Variants in FAM83F observed in about 807,000 individuals in gnomAD.
FAM83F encodes the protein scaffolding CK1 anchoring protein F.
In FAM83F, 45 loss-of-function variants were observed where a neutral mutation model predicts 42.9. The ratio of observed to expected loss-of-function variants is 1.05; its 90% CI spans 0.83 to 1.35. The LOEUF (loss-of-function observed/expected upper bound fraction) is 1.35. FAM83F is among the 40% of genes most tolerant of loss of function. FAM83F has a pLI of 0.00. For missense variants in FAM83F, 617 were observed against 695.9 expected (o/e 0.89, Z 1.28); for synonymous variants, 306 against 298.3 (o/e 1.03, Z -0.27).
chr22:40,037,578 T>G lies in FAM83F; in HGVS notation c.*8013T>G, dbSNP rs975812490. On this transcript the variant is annotated 3_prime_UTR_variant, in exon 5 of 5. Transcript: ENST00000333407. ...TGTTCTGTCAAGAGGAATTCACTAG[T>G]CTCACTCCTCCAACCAGACCGCTGC... 6.6e-5 allele frequency: 10 copies of G among 152,230 alleles called. No individual in the cohort carries two copies. The allele number at this position is 152,230 out of a possible 1,614,324, so 9.4% of individuals were successfully genotyped here. A position where few individuals can be genotyped will look rare whatever the true frequency, so the allele number is the denominator to read the frequency against.
chr22:40,027,615 G>A (rs1018040149), intron 4 of FAM83F, among the ~76,000 whole-genome samples: 1 of 152,252 alleles, frequency 6.6e-6, no homozygotes, highest in Non-Finnish European at 1.5e-5. Flanking sequence ...CAATATGTGA[G>A]CACTCAGGGA....
rs1290006497 is a variant in FAM83F at position 40,042,713 on chromosome 22, G to T, written c.*13148G>T. The T allele has an allele frequency of 6.6e-6, 1 of 152,074 alleles. No individual in the cohort carries two copies. The highest frequency in any genetic ancestry group is 1.9e-4 in the East Asian group (1 of 5,186). The allele number at this position is 152,074 out of a possible 1,614,324, so 9.4% of individuals were successfully genotyped here. On this transcript the variant is annotated 3_prime_UTR_variant, in exon 5 of 5. Coordinates refer to ENST00000333407, the MANE Select transcript of FAM83F (RefSeq NM_138435.4). ...TTTACTGAGTAATTATTTATTTGGG[G>T]GCCTTTTACGATCAGAACAATGTGA... is the stretch of plus-strand genomic sequence containing the variant.
At chr22:40,024,262 G>A (rs1163686218) in intron 4 of FAM83F, among the ~76,000 whole-genome samples, 8 of 152,124 alleles carry the variant, frequency 5.3e-5, no homozygotes, top group Admixed American at 1.3e-4. Flanking sequence ...CTCCCAAAGC[G>A]CTGGGATTAT....
In FAM83F at chr22:40,023,681, C is replaced by A. The variant is rs757169651; in HGVS notation, c.1453+1718C>A. On this transcript the variant is annotated intron_variant, in intron 4 of 4. Transcript: ENST00000333407. The surrounding 1 kb of genome is among the most constrained non-coding windows in gnomAD (Gnocchi z 4.1). Reference sequence around the variant, plus strand: ...GTCACGGCGGCCCTGCCCCTGCTGCCGCTCTCTGGTGTCTGCACATGGTGC... The same window carrying A: ...GTCACGGCGGCCCTGCCCCTGCTGCAGCTCTCTGGTGTCTGCACATGGTGC... 6.6e-6 allele frequency among the ~76,000 whole-genome samples: 1 copy of A among 152,208 alleles called. No homozygotes were observed. Among genetic ancestry groups the A allele is most frequent in the Admixed American group, 6.5e-5 (1 of 15,294 alleles).
At position 40,023,580 on chromosome 22, in the gene FAM83F, G is replaced by A. The variant is rs2067534252; in HGVS notation, c.1453+1617G>A. On this transcript the variant is annotated intron_variant, in intron 4 of 4. Transcript: ENST00000333407. The surrounding 1 kb of genome is among the most constrained non-coding windows in gnomAD (Gnocchi z 4.1). ...GATGCAGTTTCCATGGAAACTCAAA[G>A]CCCATTGTCTTGTCCCTTCCCGCTG... is the stretch of plus-strand genomic sequence containing the variant. Among the ~76,000 whole-genome samples, 1 of 152,108 alleles carries A rather than the reference G, an allele frequency of 6.6e-6. No homozygotes were observed. Among genetic ancestry groups the A allele is most frequent in the Non-Finnish European group, 1.5e-5 (1 of 68,008 alleles).
chr22:40,023,634 C>A lies in FAM83F; in HGVS notation c.1453+1671C>A, dbSNP rs764312665. ...TCTGCGTGTCCCTCCACATCCATGT[C>A]CCTGCTCCCACATCTCGGGTGGTCA... On this transcript the variant is annotated intron_variant, in intron 4 of 4. Transcript: ENST00000333407. This position sits in a 1 kb window ranked among gnomAD's most constrained non-coding sequence, Gnocchi z 4.1. Among the ~76,000 whole-genome samples the A allele has an allele frequency of 1.4e-4, 21 of 152,158 alleles. No homozygotes were observed. The highest frequency in any genetic ancestry group is 2.5e-4 in the Non-Finnish European group (17 of 68,018).
At chr22:40,019,520 A>G (rs2145719313) in intron 2 of FAM83F, among the ~76,000 whole-genome samples, 185 bp downstream of exon 2, 1 of 152,314 alleles carries the variant, frequency 6.6e-6, no homozygotes, top group South Asian at 2.1e-4. Context: ...CTACTGAATC[A>G]TATGCCCAGT....
At chr22:39,999,571 A>G (rs1194824935) in intron 1 of FAM83F, among the ~76,000 whole-genome samples, 7 of 152,198 alleles carry the variant, frequency 4.6e-5, no homozygotes, top group Admixed American at 4.6e-4. Flanking sequence ...TTCATTACAC[A>G]GAGGCTCCCT....
chr22:40,002,841 A>T (rs739145), intron 1 of FAM83F, among the ~76,000 whole-genome samples: 1,659 of 152,124 alleles, frequency 0.011, 26 homozygotes, highest in African/African-American at 0.038. Flanking sequence ...GTTGAGTGAC[A>T]GGATCGGTGC....
At chr22:40,014,061 T>C (rs893318527) in intron 1 of FAM83F, among the ~76,000 whole-genome samples, 6 of 151,782 alleles carry the variant, frequency 4.0e-5, no homozygotes, top group African/African-American at 1.4e-4. Flanking sequence ...TACTGGATTT[T>C]CTATGAAAAT....
intron 4 of FAM83F, among the ~76,000 whole-genome samples, chr22:40,026,912 A>G (rs1408527014): frequency 5.9e-5 from 9 of 152,136 alleles, no homozygotes; most frequent in African/African-American, 2.2e-4. Flanking sequence ...CGTCTGGGGC[A>G]TCTGCTGCTG....
intron 1 of FAM83F, among the ~76,000 whole-genome samples, chr22:40,002,182 C>T (rs1166365846): frequency 1.3e-5 from 2 of 152,208 alleles, no homozygotes; most frequent in East Asian, 1.9e-4. Context: ...ATGTTCCCCA[C>T]ACACGGTCAT....
chr22:40,020,722 C>G (rs1463836687), intron 3 of FAM83F, among the ~76,000 whole-genome samples: 2 of 151,938 alleles, frequency 1.3e-5, no homozygotes, highest in Non-Finnish European at 2.9e-5. Flanking sequence ...TCTCTGCCCT[C>G]CAAGTAAATT....
Position 39,995,623 on chromosome 22 carries a change from C to T in FAM83F, c.489+92C>T. 7.0e-7 allele frequency: 1 copy of T among 1,437,510 alleles called. No homozygotes were observed. Among genetic ancestry groups the T allele is most frequent in the Non-Finnish European group, 9.1e-7 (1 of 1,096,764 alleles). The allele number at this position is 1,437,510 out of a possible 1,614,324, so 89.0% of individuals were successfully genotyped here. A position where few individuals can be genotyped will look rare whatever the true frequency, so the allele number is the denominator to read the frequency against. On this transcript the variant is annotated intron_variant, in intron 1 of 4. Coordinates refer to ENST00000333407, the MANE Select transcript of FAM83F (RefSeq NM_138435.4). The surrounding 1 kb of genome is among the most constrained non-coding windows in gnomAD (Gnocchi z 4.6). ...CTCCCAGGCAGGGCCCGGGGCAGGC[C>T]GCCCTGAGCACCCTCTGGAAAATGG... is the stretch of plus-strand genomic sequence containing the variant.
intron 1 of FAM83F, among the ~76,000 whole-genome samples, chr22:40,010,603 C>T (rs2067457703): frequency 6.6e-6 from 1 of 152,192 alleles, no homozygotes; most frequent in Non-Finnish European, 1.5e-5. Context: ...AGCTTCCCTG[C>T]TTAATTTTTC....
In FAM83F at chr22:40,021,199, T is replaced by A. The variant is rs997095832; in HGVS notation, c.780-91T>A. The A allele has an allele frequency of 2.1e-6, 3 of 1,408,480 alleles. No individual in the cohort carries two copies. Among genetic ancestry groups the A allele is most frequent in the African/African-American group, 1.4e-5 (1 of 69,948 alleles). The allele number at this position is 1,408,480 out of a possible 1,614,324, so 87.2% of individuals were successfully genotyped here. A position where few individuals can be genotyped will look rare whatever the true frequency, so the allele number is the denominator to read the frequency against. ...GAGCCGTACACCTGCAGCAAGGGTCTGGCCACAGCGGAGGGGCAGGTGGGG... is the reference window on the plus strand; with the variant it reads ...GAGCCGTACACCTGCAGCAAGGGTCAGGCCACAGCGGAGGGGCAGGTGGGG... On this transcript the variant is annotated intron_variant, in intron 3 of 4. Coordinates refer to ENST00000333407, the MANE Select transcript of FAM83F (RefSeq NM_138435.4). The surrounding 1 kb of genome is among the most constrained non-coding windows in gnomAD (Gnocchi z 8.7).
intron 1 of FAM83F, among the ~76,000 whole-genome samples, chr22:40,014,657 C>G (rs1463698780): frequency 6.6e-6 from 1 of 152,094 alleles, no homozygotes; most frequent in African/African-American, 2.4e-5. Context: ...CTTTTTCATT[C>G]AGTATTTTAT....
intron 4 of FAM83F, among the ~76,000 whole-genome samples, chr22:40,024,648 G>A (rs1420868160): frequency 6.6e-6 from 1 of 152,168 alleles, no homozygotes; most frequent in African/African-American, 2.4e-5. Flanking sequence ...AGGTGGGGGA[G>A]TGCACCATTG....
rs1569235138 is a variant in FAM83F, at chr22:40,021,840, A to T, written c.1330A>T (p.Ser444Cys). ...CAGGCGCTTCAGCAGCAGGCTCTTC[A>T]GTCGCCGAGCCAAGAGGCCTGCGGC... ...PARRFSSRLFSRRAKRPAAPN... is the reference protein window; with the variant it reads ...PARRFSSRLFCRRAKRPAAPN... The change falls in exon 4 of 5, where the codon AGT (serine) becomes TGT (cysteine). Residue 444 changes from serine to cysteine, a missense_variant. Coordinates refer to ENST00000333407, the MANE Select transcript of FAM83F (RefSeq NM_138435.4). This position sits in a 1 kb window ranked among gnomAD's most constrained non-coding sequence, Gnocchi z 8.7. 6.2e-7 allele frequency: 1 copy of T among 1,612,412 alleles called. No homozygotes were observed. The highest frequency in any genetic ancestry group is 1.3e-5 in the African/African-American group (1 of 75,000).
Sources: allele counts gnomAD v4.1 joint callset (sites outside exome capture counted in the v4.1 genomes callset), GRCh38; gene constraint gnomAD v4.1.1; non-coding constraint Gnocchi (gnomAD v3.1); transcripts MANE v1.5; gene names NCBI Gene and HGNC (gene_info 2026-07-23, HGNC 2026-07-21).